IFT122: variants seen among roughly 807,000 people sequenced by gnomAD.
IFT122 encodes intraflagellar transport 122, also known as intraflagellar transport protein 122 homolog.
Under a neutral mutation model 161.6 loss-of-function variants are expected in IFT122, and 118 were observed. That is an observed-to-expected ratio of 0.73 (90% CI 0.63 to 0.85). The LOEUF is 0.85. IFT122 is among the 40% of genes least tolerant of loss of function. The pLI, the probability that IFT122 is intolerant of heterozygous loss-of-function variation, is 0.00. For missense variants in IFT122, 1,381 were observed against 1,579.6 expected, an observed-to-expected ratio of 0.87 and a Z score of 2.13; for synonymous variants, 550 against 602.4, an observed-to-expected ratio of 0.91 and a Z score of 1.27.
chr3:129,459,310 G>C (rs2075894412), intron 4 of IFT122: 2 of 452,816 alleles, frequency 4.4e-6, no homozygotes, highest in South Asian at 3.1e-5. Flanking sequence ...TTTGTTTTGA[G>C]ACAGAGTCTT....
intron 26 of IFT122, among the ~76,000 whole-genome samples, chr3:129,516,617 GCACACACA>G (rs1230262607): frequency 1.1e-5 from 1 of 92,764 alleles, no homozygotes; most frequent in African/African-American, 4.3e-5. Context: ...GACTGCCCCT[GCACACACA>G]CACACACACG....
In IFT122 at chr3:129,451,821, A is replaced by G. The variant is rs1360074939; in HGVS notation, c.109-93A>G. On this transcript the variant is annotated intron_variant, in intron 2 of 29. Coordinates refer to ENST00000348417, the MANE Select transcript of IFT122 (RefSeq NM_052989.3). ...CTACAGATTTAGAATATTGACACGT[A>G]TTGTTATAAAAACAAAAATAGCAGT... The G allele has an allele frequency of 4.9e-6, 5 of 1,022,148 alleles. No homozygotes were observed. In the East Asian group the frequency reaches 1.2e-4, roughly 25 times the overall value. The allele number at this position is 1,022,148 out of a possible 1,614,324, so 63.3% of individuals were successfully genotyped here.
rs146190693 is a variant in IFT122, at chr3:129,476,800, A to G, written c.1146A>G (p.Lys382=). 43 of 1,614,074 alleles carry G rather than the reference A, an allele frequency of 2.7e-5. No individual in the cohort carries two copies. In the African/African-American group the frequency reaches 5.1e-4, roughly 19 times the overall value. Residue 382 remains lysine (K), a splice_region_variant and synonymous_variant, in exon 11 of 30, where the codon AAA becomes AAG. Coordinates refer to ENST00000348417, the MANE Select transcript of IFT122 (RefSeq NM_052989.3). The part of the protein sequence containing the change: ...VIVQHLITEQ[K]VRIKCKELVK... ...TGCAGCACCTGATCACTGAGCAGAAAGGTAAGAGGCAGGTCCAGACCTTGG... is the reference window on the plus strand; with the variant it reads ...TGCAGCACCTGATCACTGAGCAGAAGGGTAAGAGGCAGGTCCAGACCTTGG...
At chr3:129,491,293 G>T (rs1339125305) in intron 16 of IFT122, among the ~76,000 whole-genome samples, 2 of 152,230 alleles carry the variant, frequency 1.3e-5, no homozygotes, top group Non-Finnish European at 2.9e-5. Flanking sequence ...GGGCTCTGGA[G>T]CTGCTGCCTC....
At chr3:129,510,514 C>A (rs552219857) in intron 23 of IFT122, among the ~76,000 whole-genome samples, 1 of 152,302 alleles carries the variant, frequency 6.6e-6, no homozygotes, top group East Asian at 1.9e-4. Context: ...GAGAAACCAC[C>A]ACAAAAGGAG....
At chr3:129,500,858 C>T (rs1365229876) in intron 19 of IFT122, among the ~76,000 whole-genome samples, 4 of 152,160 alleles carry the variant, frequency 2.6e-5, no homozygotes, top group African/African-American at 9.7e-5. Flanking sequence ...TGACCACCTA[C>T]AGTCAGACAC....
chr3:129,509,237 C>T (rs1187323274), intron 23 of IFT122, among the ~76,000 whole-genome samples: 2 of 152,154 alleles, frequency 1.3e-5, no homozygotes, highest in African/African-American at 4.8e-5. Flanking sequence ...TCATGAGGCA[C>T]CCACTTATCA....
intron 3 of IFT122, chr3:129,456,355 T>G (rs2075485154): frequency 9.5e-7 from 1 of 1,051,898 alleles, no homozygotes; most frequent in African/African-American, 1.7e-5. Flanking sequence ...TAAAAGGTAC[T>G]TGGCCGGGTG....
intron 15 of IFT122, 109 bp from the exon 16 acceptor site, chr3:129,488,148 C>T: frequency 6.3e-7 from 1 of 1,588,022 alleles, no homozygotes. Flanking sequence ...GGCTGCTCCC[C>T]AGGCATGGGT....
chr3:129,479,968 A>G (rs948478684), intron 13 of IFT122, 46 bp downstream of exon 13: 3 of 1,611,506 alleles, frequency 1.9e-6, no homozygotes, highest in Non-Finnish European at 2.5e-6. Context: ...ATCTGCATGC[A>G]CACGTGGGTG....
intron 1 of IFT122, among the ~76,000 whole-genome samples, chr3:129,446,051 T>A (rs2073947947): frequency 6.6e-6 from 1 of 152,132 alleles, no homozygotes; most frequent in Admixed American, 6.6e-5. Flanking sequence ...CAAACATGCC[T>A]CAGTATACCT....
At chr3:129,514,705 C>G in intron 25 of IFT122, 151 bp downstream of exon 25, 1 of 885,202 alleles carries the variant, frequency 1.1e-6, no homozygotes, top group Non-Finnish European at 1.8e-6. Context: ...CATGCCAGCT[C>G]CCCTGTGCTT....
chr3:129,472,727 T>C (rs1037647714), intron 9 of IFT122, among the ~76,000 whole-genome samples: 1 of 131,746 alleles, frequency 7.6e-6, no homozygotes, highest in Admixed American at 8.9e-5. Flanking sequence ...GACCTTTTGT[T>C]ACTGTTCTCC....
chr3:129,503,801 G>T (rs1370999949), intron 20 of IFT122, among the ~76,000 whole-genome samples: 1 of 152,120 alleles, frequency 6.6e-6, no homozygotes, highest in African/African-American at 2.4e-5. Flanking sequence ...CTCAGACCTC[G>T]CTGTGCATCA....
rs371772807 is a variant in IFT122, at chr3:129,451,937, C to G, written c.132C>G (p.Thr44=). Residue 44 remains threonine, a synonymous_variant, in exon 3 of 30, where the codon ACC becomes ACG. Coordinates refer to ENST00000348417, the MANE Select transcript of IFT122 (RefSeq NM_052989.3). ...AGGTTTATGACACCTCTGATGGCAC[C>G]TTACTTCAGCCCCTCAAGGGACACA... ...RLLVYDTSDG[T]LLQPLKGHKD... is the part of the protein sequence containing the mutation. 4 of 1,614,024 alleles carry G rather than the reference C, an allele frequency of 2.5e-6. No individual in the cohort carries two copies. Among genetic ancestry groups the G allele is most frequent in the East Asian group, 2.2e-5 (1 of 44,868 alleles).
intron 17 of IFT122, among the ~76,000 whole-genome samples, chr3:129,493,821 G>A (rs1179073227): frequency 3.3e-5 from 5 of 152,202 alleles, no homozygotes; most frequent in African/African-American, 1.2e-4. Context: ...ACTGCTGTGG[G>A]GTCCAACTAT....
At chr3:129,460,902 C>G (rs1453411240) in intron 4 of IFT122, 1 of 1,614,042 alleles carries the variant, frequency 6.2e-7, no homozygotes, top group Non-Finnish European at 8.5e-7. Context: ...CATTTCTGGG[C>G]CTCCACAAAA....
chr3:129,459,970 C>G (rs969232485), intron 4 of IFT122, among the ~76,000 whole-genome samples: 1 of 151,716 alleles, frequency 6.6e-6, no homozygotes, highest in African/African-American at 2.4e-5. Flanking sequence ...ACTTTGTTGC[C>G]TGTACTGGTC....
At chr3:129,500,737 T>C (rs1432065837) in intron 19 of IFT122, among the ~76,000 whole-genome samples, 1 of 151,570 alleles carries the variant, frequency 6.6e-6, no homozygotes, top group African/African-American at 2.4e-5. Flanking sequence ...ATAAAAGACG[T>C]GTGGGAATGG....
Sources: allele counts gnomAD v4.1 joint callset (sites outside exome capture counted in the v4.1 genomes callset), GRCh38; gene constraint gnomAD v4.1.1; transcripts MANE v1.5; gene names NCBI Gene and HGNC (gene_info 2026-07-23, HGNC 2026-07-21).